SRD5A2: variants seen among roughly 807,000 people sequenced by gnomAD.
SRD5A2 encodes steroid 5 alpha-reductase 2.
SRD5A2 carries 30 observed loss-of-function variants against 27.4 expected under a neutral mutation model. The observed-to-expected ratio is 1.10, with a 90% confidence interval of 0.82 to 1.49. The LOEUF (loss-of-function observed/expected upper bound fraction) is 1.49, where lower values mean the gene tolerates loss of function less well. Ranked by LOEUF, SRD5A2 falls within the 40% of genes most tolerant of loss-of-function variation. The pLI is 0.00. For synonymous variants in SRD5A2, 141 were observed against 133.6 expected, an observed-to-expected ratio of 1.06 and a Z score of -0.38; for missense variants, 348 against 323.4, an observed-to-expected ratio of 1.08 and a Z score of -0.58.
At chr2:31,590,716 T>C in the SRD5A2 span, among the ~76,000 whole-genome samples, 3 of 152,186 alleles carry the variant, frequency 2.0e-5, no homozygotes, top group Admixed American at 6.5e-5. Flanking sequence ...AGCATGGTAC[T>C]GGTACCAAAA....
At chr2:31,614,149 A>G in the SRD5A2 span, among the ~76,000 whole-genome samples, 5 of 152,210 alleles carry the variant, frequency 3.3e-5, no homozygotes, top group African/African-American at 1.2e-4. Flanking sequence ...CACAGTCCAA[A>G]GTCTTATCTG....
Position 31,525,628 on chromosome 2 carries a change from G to A in SRD5A2, c.*568C>T, listed in dbSNP as rs1324595629. ...ATCTTTTCAGCACTATGAGGAGAGG[G>A]CTCCTGTATTCAAGGTCTACCTAAT... On this transcript the variant is annotated 3_prime_UTR_variant, in exon 5 of 5. Coordinates refer to ENST00000622030, the MANE Select transcript of SRD5A2 (RefSeq NM_000348.4). 4.4e-6 allele frequency: 1 copy of A among 227,534 alleles called. No individual in the cohort carries two copies. Among genetic ancestry groups the A allele is most frequent in the Admixed American group, 5.7e-5 (1 of 17,584 alleles). 14.1% of individuals were successfully genotyped at this position (227,534 alleles called of 1,614,324 possible).
the SRD5A2 span, chr2:31,651,625 C>T: frequency 6.6e-3 from 1,041 of 156,638 alleles, 7 homozygotes; most frequent in African/African-American, 0.024. Context: ...TGCTCAGACT[C>T]AGCCTGGAAG....
chr2:31,600,269 T>G, the SRD5A2 span, among the ~76,000 whole-genome samples: 1 of 152,048 alleles, frequency 6.6e-6, no homozygotes, highest in Non-Finnish European at 1.5e-5. Context: ...TTTTTTCTAT[T>G]GTAAATACTG....
chr2:31,629,078 G>A, the SRD5A2 span, among the ~76,000 whole-genome samples: 12 of 152,120 alleles, frequency 7.9e-5, no homozygotes, highest in African/African-American at 2.7e-4. Flanking sequence ...TGCTTGGCCA[G>A]TACAGGAAAA....
chr2:31,653,820 C>T, the SRD5A2 span, among the ~76,000 whole-genome samples: 1 of 152,070 alleles, frequency 6.6e-6, no homozygotes, highest in African/African-American at 2.4e-5. Context: ...CCACCATGCC[C>T]AGCTAATTTT....
the SRD5A2 span, among the ~76,000 whole-genome samples, chr2:31,595,740 G>A: frequency 2.0e-5 from 3 of 152,038 alleles, no homozygotes; most frequent in South Asian, 4.2e-4. Flanking sequence ...GACCAGGAAA[G>A]GACATAACAA....
At chr2:31,654,473 G>A in the SRD5A2 span, among the ~76,000 whole-genome samples, 1 of 152,110 alleles carries the variant, frequency 6.6e-6, no homozygotes, top group Admixed American at 6.6e-5. Context: ...GGTGAGTGCT[G>A]GGGGATCCAA....
chr2:31,567,018 T>G (rs754412735), intron 1 of SRD5A2, among the ~76,000 whole-genome samples: 4 of 152,186 alleles, frequency 2.6e-5, no homozygotes, highest in Admixed American at 6.5e-5. Flanking sequence ...AATGGCTCCA[T>G]ATATTTATTT....
At position 31,569,099 on chromosome 2, in the gene SRD5A2, C is replaced by G. The variant is rs1414531239; in HGVS notation, c.281+11521G>C. ...AGCTGCGCCAAGGAGCACTGGCCTTCTGCCCCACCAACTTGGTAGGGGATG... is the reference window on the plus strand; with the variant it reads ...AGCTGCGCCAAGGAGCACTGGCCTTGTGCCCCACCAACTTGGTAGGGGATG... On this transcript the variant is annotated intron_variant, in intron 1 of 4. Transcript: ENST00000622030. 5.9e-5 allele frequency among the ~76,000 whole-genome samples: 9 copies of G among 152,258 alleles called. No individual in the cohort carries two copies. The South Asian group carries it at 1.7e-3, about 28-fold the overall frequency.
At chr2:31,584,258 T>C (rs1667140486), upstream of SRD5A2, among the ~76,000 whole-genome samples, 1 of 152,138 alleles carries the variant, frequency 6.6e-6, no homozygotes, top group African/African-American at 2.4e-5. Context: ...AGTATTGGAA[T>C]TAGGTAGAAT....
At chr2:31,610,914 C>A in the SRD5A2 span, among the ~76,000 whole-genome samples, 1 of 152,038 alleles carries the variant, frequency 6.6e-6, no homozygotes, top group East Asian at 1.9e-4. Flanking sequence ...TTGAGACCAG[C>A]CTGACCAACA....
At chr2:31,581,099 G>A (rs564366274), upstream of SRD5A2, 31 of 599,504 alleles carry the variant, frequency 5.2e-5, no homozygotes, top group South Asian at 7.1e-4. Flanking sequence ...TGCAGCCGCG[G>A]TGGCCGGAGG....
intron 1 of SRD5A2, among the ~76,000 whole-genome samples, chr2:31,562,238 A>C (rs926194865): frequency 2.0e-5 from 3 of 152,014 alleles, no homozygotes; most frequent in African/African-American, 7.2e-5. Flanking sequence ...TTTTTAAAAA[A>C]TTTTTATGTT....
the SRD5A2 span, among the ~76,000 whole-genome samples, chr2:31,624,227 A>G: frequency 2.0e-5 from 3 of 152,090 alleles, no homozygotes; most frequent in South Asian, 6.2e-4. Context: ...CTTGTGTTAC[A>G]AACAATCCAA....
chr2:31,566,774 G>T (rs958716969), intron 1 of SRD5A2, among the ~76,000 whole-genome samples: 2 of 152,150 alleles, frequency 1.3e-5, no homozygotes, highest in African/African-American at 4.8e-5. Context: ...AGATTTAATT[G>T]CATGGTCAGT....
At chr2:31,534,088 C>G (rs1306430355) in intron 1 of SRD5A2, among the ~76,000 whole-genome samples, 1 of 151,828 alleles carries the variant, frequency 6.6e-6, no homozygotes, top group African/African-American at 2.4e-5. Context: ...AATAAATATC[C>G]TTAAAGAAAT....
At chr2:31,542,982 C>T (rs889602458) in intron 1 of SRD5A2, among the ~76,000 whole-genome samples, 4 of 151,928 alleles carry the variant, frequency 2.6e-5, no homozygotes, top group African/African-American at 9.7e-5. Flanking sequence ...TCATAGATAC[C>T]CACATGGATA....
At chr2:31,537,888 T>A (rs1385875636) in intron 1 of SRD5A2, among the ~76,000 whole-genome samples, 1 of 152,198 alleles carries the variant, frequency 6.6e-6, no homozygotes, top group African/African-American at 2.4e-5. Flanking sequence ...CCCTTTCACC[T>A]TCTGCCTTCC....
Sources: gnomAD v4.1 joint callset for allele counts (sites outside exome capture counted in the v4.1 genomes callset) on GRCh38, gnomAD v4.1.1 for gene constraint, MANE v1.5 for transcripts, NCBI Gene and HGNC (gene_info 2026-07-23, HGNC 2026-07-21) for gene names.